The following ESPN variants were observed in gnomAD, a reference collection of about 807,000 sequenced individuals.
ESPN encodes the protein espin, also known as autosomal recessive deafness type 36 protein.
Under a neutral mutation model 77.7 loss-of-function variants are expected in ESPN, and 68 were observed. The observed-to-expected ratio is 0.87, with a 90% CI of 0.72 to 1.07. The LOEUF (loss-of-function observed/expected upper bound fraction) is 1.07, where lower values mean the gene tolerates loss of function less well. ESPN is among the 50% of genes least tolerant of loss of function. The probability of loss-of-function intolerance (pLI) is 0.00; values close to 1 mark genes in which losing one functional copy is unlikely to be tolerated. For missense variants in ESPN, 1,060 were observed against 1,239.0 expected (o/e 0.86, Z 2.17); for synonymous variants, 449 against 567.1 (o/e 0.79, Z 2.96).
chr1:6,426,083 AG>A (rs2148500177), intron 1 of ESPN, among the ~76,000 whole-genome samples: 1 of 152,346 alleles, frequency 6.6e-6, no homozygotes, highest in East Asian at 1.9e-4. Context: ...GTGTGGGGGC[AG>A]CCATGGGAGG....
chr1:6,459,435 A>G (rs930045598), intron 12 of ESPN, among the ~76,000 whole-genome samples: 2 of 152,140 alleles, frequency 1.3e-5, no homozygotes, highest in African/African-American at 2.4e-5. Flanking sequence ...TCTTTGAAAT[A>G]TCATGCACAT....
At chr1:6,459,603 C>G (rs1644119532) in intron 12 of ESPN, among the ~76,000 whole-genome samples, 1 of 152,116 alleles carries the variant, frequency 6.6e-6, no homozygotes, top group African/African-American at 2.4e-5. Context: ...TATGGTCTCT[C>G]TGCTCCCCAG....
intron 12 of ESPN, among the ~76,000 whole-genome samples, chr1:6,458,704 G>A (rs1414258243): frequency 2.0e-4 from 30 of 147,394 alleles, no homozygotes; most frequent in East Asian, 4.1e-4. Flanking sequence ...GCTGAAGCGG[G>A]TGGATCACCT....
At chr1:6,433,732 C>T (rs113453591) in intron 2 of ESPN, among the ~76,000 whole-genome samples, 13,038 of 152,204 alleles carry the variant, frequency 0.086, 783 homozygotes, top group African/African-American at 0.16. Context: ...AACAGGCCAG[C>T]GCCCCTGCCT....
chr1:6,441,809 G>T (rs574487918), intron 5 of ESPN, among the ~76,000 whole-genome samples: 1 of 152,352 alleles, frequency 6.6e-6, no homozygotes, highest in African/African-American at 2.4e-5. Context: ...GAGGCCCGGA[G>T]GGAAGAAGGC....
Position 6,440,997 on chromosome 1 carries a change from G to A in ESPN, c.922G>A (p.Ala308Thr), listed in dbSNP as rs767565530. The part of the protein sequence containing the change: ...LDVRDRDGYT[A>T]ADLSDFNGHS... ...CGTCCGCGACCGCGACGGGTACACGGCCGCCGACCTGTCGGACTTCAACGG... is the reference window on the plus strand; with the variant it reads ...CGTCCGCGACCGCGACGGGTACACGACCGCCGACCTGTCGGACTTCAACGG... The change falls in exon 5 of 13, where the codon GCC (alanine) becomes ACC (threonine). Residue 308 changes from alanine (A) to threonine (T), a missense_variant. Coordinates refer to ENST00000645284, the MANE Select transcript of ESPN (RefSeq NM_031475.3). The A allele has an allele frequency of 2.5e-6, 4 of 1,609,234 alleles. No homozygotes were observed. The Admixed American group carries it at 6.7e-5, about 27-fold the overall frequency.
intron 2 of ESPN, among the ~76,000 whole-genome samples, chr1:6,431,495 G>C (rs1643245109): frequency 6.6e-6 from 1 of 152,110 alleles, no homozygotes; most frequent in South Asian, 2.1e-4. Context: ...GCCTGTACAG[G>C]TGGCCCATGC....
rs186047032 is a variant in ESPN at position 6,443,606 on chromosome 1, C to T, written c.991-875C>T. On this transcript the variant is annotated intron_variant, in intron 5 of 12. Transcript: ENST00000645284. ...TCCCTCACCCAAGCAGGCCCAGCTG[C>T]GGCAGGGACAGATCCAAGCCACAGA... Among the ~76,000 whole-genome samples the T allele has an allele frequency of 3.8e-3, 578 of 152,346 alleles. 4 individuals carry two copies. The highest frequency in any genetic ancestry group is 0.013 in the African/African-American group (557 of 41,586).
At position 6,427,820 on chromosome 1, in the gene ESPN, C is replaced by T. The variant is rs1643095348; in HGVS notation, c.295-406C>T. Reference sequence around the variant, plus strand: ...CAGCCCCACAGCCCCCCTTCCTGGCCCTGCTCAGCCCAGTAACCCTGTGTC... The same window carrying T: ...CAGCCCCACAGCCCCCCTTCCTGGCTCTGCTCAGCCCAGTAACCCTGTGTC... On this transcript the variant is annotated intron_variant, in intron 1 of 12. Coordinates refer to ENST00000645284, the MANE Select transcript of ESPN (RefSeq NM_031475.3). The surrounding 1 kb of genome is among the most constrained non-coding windows in gnomAD (Gnocchi z 4.6). Among the ~76,000 whole-genome samples, 1 of 152,206 alleles carries T rather than the reference C, an allele frequency of 6.6e-6. No homozygotes were observed. Among genetic ancestry groups the T allele is most frequent in the Non-Finnish European group, 1.5e-5 (1 of 68,022 alleles).
chr1:6,445,505 G>T, intron 6 of ESPN, 159 bp from the exon 7 acceptor site: 1 of 795,820 alleles, frequency 1.3e-6, no homozygotes. Context: ...CCAGGGAGGG[G>T]AAGCCCAGCA....
Position 6,428,282 on chromosome 1 carries a change from C to T in ESPN, c.351C>T (p.Pro117=), listed in dbSNP as rs763679338. The part of the protein sequence containing the change: ...VLHLAARFGH[P]EVVNWLLHHG... ...ATCTGGCTGCCCGCTTCGGCCACCC[C>T]GAGGTGGTGAACTGGCTCTTGCATC... The change falls in exon 2 of 13, where the codon CCC becomes CCT. Residue 117 remains proline (P), a synonymous_variant. Transcript: ENST00000645284. This position sits in a 1 kb window ranked among gnomAD's most constrained non-coding sequence, Gnocchi z 5.4. The T allele has an allele frequency of 9.9e-6, 16 of 1,613,342 alleles. No homozygotes were observed. Among genetic ancestry groups the T allele is most frequent in the African/African-American group, 5.3e-5 (4 of 74,934 alleles).
chr1:6,461,263 T>C (rs1644163119), downstream of ESPN: 3 of 857,268 alleles, frequency 3.5e-6, no homozygotes, highest in Admixed American at 2.0e-5. This position sits in a 1 kb window ranked among gnomAD's most constrained non-coding sequence, Gnocchi z 6.3. Context: ...TCGTGCTTCT[T>C]CGCCTTGGCT....
At chr1:6,455,202 G>C (rs1461004465) in intron 10 of ESPN, 1 of 388,620 alleles carries the variant, frequency 2.6e-6, no homozygotes. Context: ...GCCTGAGCCC[G>C]AGCAGCTGGC....
intron 10 of ESPN, chr1:6,455,856 G>A (rs1017664591): frequency 1.0e-5 from 4 of 398,822 alleles, no homozygotes; most frequent in Non-Finnish European, 1.8e-5. Context: ...CCGGTTCTTC[G>A]GAAACGGCCT....
At position 6,460,802 on chromosome 1, in the gene ESPN, G is replaced by C; in HGVS notation, c.*656G>C. ...CCCCAGCCAGACCCACTCGCTGCCG[G>C]GACCCTTTCACTGCCCCGGTGGAGT... On this transcript the variant is annotated 3_prime_UTR_variant, in exon 13 of 13. Coordinates refer to ENST00000645284, the MANE Select transcript of ESPN (RefSeq NM_031475.3). 1 of 208,822 alleles carries C rather than the reference G, an allele frequency of 4.8e-6. No homozygotes were observed. Among genetic ancestry groups the C allele is most frequent in the Admixed American group, 5.4e-5 (1 of 18,510 alleles). The allele number at this position is 208,822 out of a possible 1,614,324, so 12.9% of individuals were successfully genotyped here.
intron 10 of ESPN, among the ~76,000 whole-genome samples, chr1:6,452,868 C>A (rs897527566): frequency 6.6e-6 from 1 of 151,892 alleles, no homozygotes; most frequent in Non-Finnish European, 1.5e-5. Context: ...ATTCATCCAA[C>A]AACTATTCCC....
chr1:6,439,249 T>G (rs1456033042), intron 2 of ESPN, among the ~76,000 whole-genome samples: 2 of 152,240 alleles, frequency 1.3e-5, no homozygotes, highest in Admixed American at 1.3e-4. Context: ...CCCAGGACGT[T>G]TGACTAGCTT....
intron 10 of ESPN, chr1:6,454,778 G>C: frequency 2.5e-6 from 1 of 397,958 alleles, no homozygotes; most frequent in Non-Finnish European, 4.4e-6. Flanking sequence ...TGCTGGCTGC[G>C]CTGGGCGGCC....
rs538396390 is a variant in ESPN at position 6,438,166 on chromosome 1, C to T, written c.489-2088C>T. Among the ~76,000 whole-genome samples, 6 of 152,296 alleles carry T rather than the reference C, an allele frequency of 3.9e-5. No homozygotes were observed. In the East Asian group the frequency reaches 1.2e-3, roughly 29 times the overall value. ...ATAGGTCGCGGCCCCCAACCTGGAG[C>T]TTCTCCTGGGTCTGGGGATAGATTG... On this transcript the variant is annotated intron_variant, in intron 2 of 12. Transcript: ENST00000645284.
Sources: allele counts gnomAD v4.1 joint callset (sites outside exome capture counted in the v4.1 genomes callset), GRCh38; gene constraint gnomAD v4.1.1; non-coding constraint Gnocchi (gnomAD v3.1); transcripts MANE v1.5; gene names NCBI Gene and HGNC (gene_info 2026-07-23, HGNC 2026-07-21).